The following LGSN variants were observed in gnomAD, a reference collection of about 807,000 sequenced individuals.
LGSN encodes lengsin, lens protein with glutamine synthetase domain, also known as lengsin.
Under a neutral mutation model 19.5 loss-of-function variants are expected in LGSN, and 21 were observed. That is an observed-to-expected ratio of 1.07 (90% confidence interval 0.76 to 1.55). The LOEUF (loss-of-function observed/expected upper bound fraction) is 1.55, where lower values mean the gene tolerates loss of function less well. Among genes scored for constraint, LGSN ranks in the 40% most tolerant of loss-of-function variants. The probability of loss-of-function intolerance (pLI) is 0.00; values close to 1 mark genes in which losing one functional copy is unlikely to be tolerated. For synonymous variants in LGSN, 257 were observed against 215.6 expected (o/e 1.19, Z -1.68); for missense variants, 673 against 608.5 (o/e 1.11, Z -1.12).
chr6:63,478,065 G>GA, the LGSN span, among the ~76,000 whole-genome samples: 3 of 151,132 alleles, frequency 2.0e-5, no homozygotes, highest in South Asian at 4.2e-4. Context: ...TATATCAAGG[G>GA]AAAAAACAAA....
the LGSN span, among the ~76,000 whole-genome samples, chr6:63,505,289 A>G: frequency 6.6e-6 from 1 of 151,806 alleles, no homozygotes; most frequent in Non-Finnish European, 1.5e-5. Flanking sequence ...AGAAATTCTA[A>G]AGTAAAGCCG....
At chr6:63,457,006 T>C in the LGSN span, among the ~76,000 whole-genome samples, 81 of 152,308 alleles carry the variant, frequency 5.3e-4, no homozygotes, top group African/African-American at 1.9e-3. Flanking sequence ...AACAACCTTA[T>C]TCAAAAGTCA....
chr6:63,525,533 T>C, the LGSN span, among the ~76,000 whole-genome samples: 3 of 152,216 alleles, frequency 2.0e-5, no homozygotes, highest in African/African-American at 7.2e-5. Flanking sequence ...ACCTAGTTCA[T>C]GCCACTCTCT....
At chr6:63,491,605 T>G in the LGSN span, among the ~76,000 whole-genome samples, 862 of 152,346 alleles carry the variant, frequency 5.7e-3, 5 homozygotes, top group African/African-American at 0.019. Flanking sequence ...TCTTTTAACA[T>G]ATAATAAATA....
the LGSN span, among the ~76,000 whole-genome samples, chr6:63,354,230 T>C: frequency 6.6e-6 from 1 of 152,114 alleles, no homozygotes; most frequent in Non-Finnish European, 1.5e-5. Context: ...GGAGAAAATA[T>C]TTGCAAACTG....
the LGSN span, among the ~76,000 whole-genome samples, chr6:63,486,098 G>C: frequency 1.8e-4 from 27 of 152,272 alleles, no homozygotes; most frequent in African/African-American, 6.5e-4. Flanking sequence ...GGATGGATGA[G>C]AGGGAAATGC....
chr6:63,382,558 T>C, the LGSN span, among the ~76,000 whole-genome samples: 1 of 152,182 alleles, frequency 6.6e-6, no homozygotes. Context: ...ATGTGTTACC[T>C]AGGAGGGTAA....
At chr6:63,330,964 TC>T in the LGSN span, among the ~76,000 whole-genome samples, 5 of 152,158 alleles carry the variant, frequency 3.3e-5, no homozygotes, top group Admixed American at 3.3e-4. Flanking sequence ...TCTGAAAACT[TC>T]CCCAGGTCTG....
intron 1 of LGSN, among the ~76,000 whole-genome samples, chr6:63,300,281 C>T (rs988872849): frequency 6.6e-6 from 1 of 152,218 alleles, no homozygotes; most frequent in Admixed American, 6.5e-5. Flanking sequence ...CCTTCCTAGC[C>T]ATCCTAGGTG....
intron 2 of LGSN, among the ~76,000 whole-genome samples, chr6:63,294,657 G>A (rs1767906453): frequency 6.6e-6 from 1 of 150,564 alleles, no homozygotes; most frequent in Non-Finnish European, 1.5e-5. Flanking sequence ...ACATTCCTCT[G>A]TTTGTTCTTT....
chr6:63,355,524 A>G, the LGSN span, among the ~76,000 whole-genome samples: 1 of 152,188 alleles, frequency 6.6e-6, no homozygotes, highest in Non-Finnish European at 1.5e-5. Context: ...TGTGTCATTA[A>G]TTCTTATGGC....
intron 2 of LGSN, among the ~76,000 whole-genome samples, chr6:63,286,366 T>C (rs181438362): frequency 6.7e-4 from 102 of 152,306 alleles, no homozygotes; most frequent in Non-Finnish European, 1.3e-3. Context: ...AATGAGAGTG[T>C]AGGAGATGAA....
At chr6:63,572,979 C>A in the LGSN span, among the ~76,000 whole-genome samples, 205 of 152,234 alleles carry the variant, frequency 1.3e-3, no homozygotes, top group Non-Finnish European at 1.9e-3. Context: ...GAGTCCCTCC[C>A]GAGCCCGGAG....
chr6:63,460,089 G>A, the LGSN span, among the ~76,000 whole-genome samples: 48 of 112,584 alleles, frequency 4.3e-4, no homozygotes, highest in African/African-American at 1.5e-3. Flanking sequence ...TTAAATGGAA[G>A]ATTTCATTCC....
the LGSN span, among the ~76,000 whole-genome samples, chr6:63,452,707 A>G: frequency 6.8e-6 from 1 of 146,530 alleles, no homozygotes; most frequent in Non-Finnish European, 1.5e-5. Context: ...TCTGGCTACA[A>G]GTTTATCAGT....
chr6:63,473,472 TAAAAAAAAAAAAAA>T, the LGSN span, among the ~76,000 whole-genome samples: 17 of 59,368 alleles, frequency 2.9e-4, 1 homozygote, highest in African/African-American at 1.1e-3. Flanking sequence ...ACACTCTGTC[TAAAAAAAAAAAAAA>T]AAAAAAAAAA....
the LGSN span, among the ~76,000 whole-genome samples, chr6:63,402,657 GA>G: frequency 1.3e-5 from 2 of 152,190 alleles, no homozygotes; most frequent in Admixed American, 1.3e-4. Context: ...TTGGAAATGA[GA>G]AGTTAATAAT....
At chr6:63,481,857 T>C in the LGSN span, 2 of 259,082 alleles carry the variant, frequency 7.7e-6, no homozygotes, top group Non-Finnish European at 1.6e-5. Flanking sequence ...AATCCATGGA[T>C]GTGGCTGCGT....
At chr6:63,507,054 G>C in the LGSN span, among the ~76,000 whole-genome samples, 423 of 152,232 alleles carry the variant, frequency 2.8e-3, 2 homozygotes, top group African/African-American at 9.9e-3. Flanking sequence ...ACCTTCCCCA[G>C]GGTCCCCATG....
Sources: allele counts gnomAD v4.1 joint callset (sites outside exome capture counted in the v4.1 genomes callset), GRCh38; gene constraint gnomAD v4.1.1; transcripts MANE v1.5; gene names NCBI Gene and HGNC (gene_info 2026-07-23, HGNC 2026-07-21).